The following ACCSL variants were observed in gnomAD, a reference collection of about 807,000 sequenced individuals.
The protein encoded by ACCSL is probable inactive 1-aminocyclopropane-1-carboxylate synthase-like protein 2.
In ACCSL, 55 loss-of-function variants were observed where a neutral mutation model predicts 61.7. The observed-to-expected ratio is 0.89, with a 90% CI of 0.72 to 1.12. The LOEUF (loss-of-function observed/expected upper bound fraction) is 1.12. Among genes scored for constraint, ACCSL ranks in the 50% most tolerant of loss-of-function variants. The pLI is 0.00. For missense variants in ACCSL, 632 were observed against 698.0 expected, an observed-to-expected ratio of 0.91 and a Z score of 1.07; for synonymous variants, 258 against 264.3, an observed-to-expected ratio of 0.98 and a Z score of 0.23.
intron 8 of ACCSL, 56 bp from the exon 9 acceptor site, chr11:44,055,146 G>A: frequency 1.6e-6 from 2 of 1,285,830 alleles, no homozygotes; most frequent in Admixed American, 1.9e-5. Context: ...AGCATGCAAA[G>A]AAAAAAGATT....
At chr11:43,935,036 C>A in the ACCSL span, among the ~76,000 whole-genome samples, 1 of 152,178 alleles carries the variant, frequency 6.6e-6, no homozygotes, top group African/African-American at 2.4e-5. Flanking sequence ...CCATGGAAGC[C>A]AGCCTTCCCC....
upstream of ACCSL, among the ~76,000 whole-genome samples, chr11:44,046,762 G>C (rs1293358888): frequency 1.3e-5 from 2 of 152,160 alleles, no homozygotes; most frequent in Non-Finnish European, 2.9e-5. Flanking sequence ...TAGAAAAAAG[G>C]GTCTTGATAT....
the ACCSL span, among the ~76,000 whole-genome samples, chr11:43,957,563 G>A: frequency 3.3e-5 from 5 of 152,204 alleles, no homozygotes; most frequent in South Asian, 8.3e-4. Flanking sequence ...CCTAGGAAGG[G>A]AAGGAGATTC....
At chr11:43,945,167 G>A in the ACCSL span, 1 of 152,296 alleles carries the variant, frequency 6.6e-6, no homozygotes, top group East Asian at 1.9e-4. Flanking sequence ...GAACACGCTG[G>A]CCCAACAACG....
the ACCSL span, among the ~76,000 whole-genome samples, chr11:44,004,337 C>G: frequency 1.3e-5 from 2 of 151,978 alleles, no homozygotes; most frequent in African/African-American, 2.4e-5. Context: ...TGTTTGCTCA[C>G]CCCCGCATAC....
chr11:44,055,918 C>T, intron 9 of ACCSL, 122 bp from the exon 10 acceptor site: 1 of 1,114,552 alleles, frequency 9.0e-7, no homozygotes, highest in Non-Finnish European at 1.3e-6. Context: ...GTTTCTTGAG[C>T]TTTGGGCCCT....
chr11:43,951,496 T>G, the ACCSL span, among the ~76,000 whole-genome samples: 1 of 152,188 alleles, frequency 6.6e-6, no homozygotes, highest in Non-Finnish European at 1.5e-5. Context: ...CATCTTTGGA[T>G]GTGGTTATTG....
chr11:43,967,164 C>CTT, the ACCSL span, among the ~76,000 whole-genome samples: 68 of 68,876 alleles, frequency 9.9e-4, no homozygotes, highest in African/African-American at 3.7e-3. Context: ...TCTTCTTCTT[C>CTT]TTCTTTTTTT....
chr11:44,014,724 A>T, the ACCSL span, among the ~76,000 whole-genome samples: 30,099 of 152,092 alleles, frequency 0.2, 3,136 homozygotes, highest in East Asian at 0.31. Context: ...CCTTACTCTG[A>T]AAGTCTGGAC....
At chr11:43,989,889 C>T in the ACCSL span, among the ~76,000 whole-genome samples, 48 of 152,254 alleles carry the variant, frequency 3.2e-4, no homozygotes, top group Middle Eastern at 3.2e-3. Flanking sequence ...CCACCCAGAA[C>T]GCTGGCGGCC....
chr11:43,961,808 C>T, the ACCSL span, among the ~76,000 whole-genome samples: 1 of 152,054 alleles, frequency 6.6e-6, no homozygotes, highest in African/African-American at 2.4e-5. Context: ...CACACTTCAG[C>T]TATAACAGGA....
At chr11:44,016,616 G>A in the ACCSL span, among the ~76,000 whole-genome samples, 3 of 152,152 alleles carry the variant, frequency 2.0e-5, no homozygotes, top group South Asian at 2.1e-4. Flanking sequence ...GGAAAAGGGT[G>A]GGTGGTCCTC....
At chr11:44,047,879 C>A, upstream of ACCSL, 2 of 957,826 alleles carry the variant, frequency 2.1e-6, no homozygotes, top group South Asian at 1.7e-5. Flanking sequence ...GTCATATAAC[C>A]AAGGCATGGA....
the ACCSL span, among the ~76,000 whole-genome samples, chr11:43,936,863 G>C: frequency 6.6e-6 from 1 of 152,010 alleles, no homozygotes; most frequent in Non-Finnish European, 1.5e-5. Flanking sequence ...GTCCTCCATG[G>C]GAGGTTCAAT....
chr11:44,047,657 C>G (rs981504166), upstream of ACCSL, among the ~76,000 whole-genome samples: 1 of 152,162 alleles, frequency 6.6e-6, no homozygotes, highest in African/African-American at 2.4e-5. Context: ...TGTTTTTGAG[C>G]AGTAGAAACC....
the ACCSL span, among the ~76,000 whole-genome samples, chr11:43,935,639 G>T: frequency 2.6e-5 from 4 of 152,374 alleles, no homozygotes; most frequent in Non-Finnish European, 1.5e-5. Flanking sequence ...TTCGACAGAT[G>T]ACTTTTATTT....
At chr11:44,027,907 G>T in the ACCSL span, among the ~76,000 whole-genome samples, 1 of 152,196 alleles carries the variant, frequency 6.6e-6, no homozygotes, top group Non-Finnish European at 1.5e-5. Flanking sequence ...GCTCATGCCT[G>T]TAATCCCAGC....
At chr11:44,023,263 G>T in the ACCSL span, among the ~76,000 whole-genome samples, 2 of 151,666 alleles carry the variant, frequency 1.3e-5, no homozygotes, top group Admixed American at 6.6e-5. Flanking sequence ...ATGTTGCCTA[G>T]GCTTGTCTTG....
Position 44,048,067 on chromosome 11 carries a change from C to T in ACCSL, c.31C>T (p.Pro11Ser), listed in dbSNP as rs769938441. Residue 11 changes from proline (P) to serine (S), a missense_variant, in exon 1 of 14, where the codon CCC becomes TCC. By Grantham distance (74) the Pro-to-Ser change is moderately conservative (BLOSUM62 -1). Transcript: ENST00000378832. MSHRSDTLPV[P>S]SGQRRGRVPR... is the part of the protein sequence containing the mutation. ...TCATCGGTCAGACACCCTTCCTGTG[C>T]CCTCTGGTCAGAGGAGAGGCCGGGT... 1.1e-5 allele frequency: 17 copies of T among 1,613,378 alleles called. No homozygotes were observed. The highest frequency in any genetic ancestry group is 2.2e-5 in the East Asian group (1 of 44,840).
Sources: allele counts gnomAD v4.1 joint callset (sites outside exome capture counted in the v4.1 genomes callset), GRCh38; gene constraint gnomAD v4.1.1; transcripts MANE v1.5; gene names NCBI Gene and HGNC (gene_info 2026-07-23, HGNC 2026-07-21).